Variants in BRAT1 observed in about 807,000 individuals in gnomAD.
The protein encoded by BRAT1 is integrator complex assembly factor BRAT1.
Under a neutral mutation model 70.6 loss-of-function variants are expected in BRAT1, and 74 were observed. That is an observed-to-expected ratio of 1.05 (90% CI 0.87 to 1.27). BRAT1 has a LOEUF of 1.27. BRAT1 is among the 50% of genes most tolerant of loss of function. The pLI is 0.00. For synonymous variants in BRAT1, 615 were observed against 517.1 expected (o/e 1.19, Z -2.57); for missense variants, 1,203 against 1,098.2 (o/e 1.10, Z -1.35).
intron 6 of BRAT1, chr7:2,542,498 C>T (rs1779253696): frequency 3.3e-6 from 1 of 298,664 alleles, no homozygotes; most frequent in Non-Finnish European, 5.9e-6. Context: ...AGTGCCCGCT[C>T]AGGGGGACAG....
intron 7 of BRAT1, 42 bp from the exon 8 acceptor site, chr7:2,541,878 A>T: frequency 6.3e-7 from 1 of 1,594,550 alleles, no homozygotes; most frequent in Non-Finnish European, 8.6e-7. Context: ...AGAGCACTTC[A>T]GCCTCCCCAC....
chr7:2,543,317 G>A lies in BRAT1; in HGVS notation c.810C>T (p.Pro270=), dbSNP rs775096485. The A allele has an allele frequency of 7.5e-6, 12 of 1,600,618 alleles. No homozygotes were observed. The highest frequency in any genetic ancestry group is 5.2e-5 in the Admixed American group (3 of 57,946). The change falls in exon 6 of 14, where the codon CCC becomes CCT. Residue 270 remains proline, a synonymous_variant. Transcript: ENST00000340611. The surrounding 1 kb of genome is among the most constrained non-coding windows in gnomAD (Gnocchi z 5.5). ...GGCTGCCGTCGGAAGAACTGAACAC[G>A]GGAGAACTGCAGGGAGACCCCAGAG... is the stretch of plus-strand genomic sequence containing the variant. ...VDLLLCVARS[P]VFSSSDGSLW... is the part of the protein sequence containing the mutation.
Position 2,541,399 on chromosome 7 carries a change from G to C in BRAT1, c.1220C>G (p.Pro407Arg), listed in dbSNP as rs1314756264. 6.2e-7 allele frequency: 1 copy of C among 1,603,166 alleles called. No individual in the cohort carries two copies. Among genetic ancestry groups the C allele is most frequent in the Non-Finnish European group, 8.5e-7 (1 of 1,176,996 alleles). Residue 407 changes from proline to arginine, a missense_variant, in exon 9 of 14, where the codon CCT becomes CGT. Transcript: ENST00000340611. The part of the protein sequence containing the change: ...VLRLCDGSAA[P>R]ASSVGGHLCG... ...GAGGTGGCCCCCCACACTGGAGGCAGGGGCAGCCGAGCCGTCACAGAGCCG... is the reference window on the plus strand; with the variant it reads ...GAGGTGGCCCCCCACACTGGAGGCACGGGCAGCCGAGCCGTCACAGAGCCG...
chr7:2,543,461 A>C lies in BRAT1; in HGVS notation c.803+129T>G. Reference sequence around the variant, plus strand: ...CTTTCCCCATGAGGGTTCCAGGGTCACCCCGGTGCCGCTTCACTGCAGGCC... The same window carrying C: ...CTTTCCCCATGAGGGTTCCAGGGTCCCCCCGGTGCCGCTTCACTGCAGGCC... On this transcript the variant is annotated intron_variant, in intron 5 of 13. Coordinates refer to ENST00000340611, the MANE Select transcript of BRAT1 (RefSeq NM_152743.4). This position sits in a 1 kb window ranked among gnomAD's most constrained non-coding sequence, Gnocchi z 5.5. The C allele has an allele frequency of 6.8e-7, 1 of 1,476,534 alleles. No individual in the cohort carries two copies. Among genetic ancestry groups the C allele is most frequent in the Non-Finnish European group, 9.0e-7 (1 of 1,117,004 alleles). 91.5% of individuals were successfully genotyped at this position (1,476,534 alleles called of 1,614,324 possible).
At position 2,541,913 on chromosome 7, in the gene BRAT1, C is replaced by T. The variant is rs924705092; in HGVS notation, c.1016-77G>A. ...CGGTCACCAGCCACCCCACGGTCAC[C>T]ACCCACAGCACAGGCCAGGACCTAG... On this transcript the variant is annotated intron_variant, in intron 7 of 13. Coordinates refer to ENST00000340611, the MANE Select transcript of BRAT1 (RefSeq NM_152743.4). The T allele has an allele frequency of 4.1e-6, 6 of 1,476,466 alleles. No individual in the cohort carries two copies. The East Asian group carries it at 1.4e-4, about 34-fold the overall frequency. 91.5% of individuals were successfully genotyped at this position (1,476,466 alleles called of 1,614,324 possible).
chr7:2,538,398 G>A lies in BRAT1; in HGVS notation c.2137C>T (p.Arg713Cys), dbSNP rs780417945. ...TCACAAGACTTCTGCGCCACAGGGC[G>A]GTCGCAGTCAAACAAGGCACAAAAG... ...FAFCALFDCD[R>C]PVAQKSCDLL... The change falls in exon 14 of 14, where the codon CGC becomes TGC. Residue 713 changes from arginine (R) to cysteine (C), a missense_variant. Physicochemically the swap from Arg to Cys is radical, Grantham distance 180. Transcript: ENST00000340611. The A allele has an allele frequency of 1.2e-5, 20 of 1,613,434 alleles. No individual in the cohort carries two copies. The highest frequency in any genetic ancestry group is 3.3e-5 in the Admixed American group (2 of 60,004).
In BRAT1 at chr7:2,538,892, C is replaced by G; in HGVS notation, c.1771-128G>C. On this transcript the variant is annotated intron_variant, in intron 13 of 13. Coordinates refer to ENST00000340611, the MANE Select transcript of BRAT1 (RefSeq NM_152743.4). The stretch of plus-strand genomic sequence containing the variant: ...TCTAGGGCCACAGCCCGCTCTGACA[C>G]CTTCCCATGCTGCGCAGTGAGCACA... The G allele has an allele frequency of 3.4e-6, 5 of 1,490,240 alleles. No individual in the cohort carries two copies. In the South Asian group the frequency reaches 5.3e-5, roughly 16 times the overall value. The allele number at this position is 1,490,240 out of a possible 1,614,324, so 92.3% of individuals were successfully genotyped here.
intron 8 of BRAT1, 22 bp downstream of exon 8, chr7:2,541,696 A>G: frequency 1.3e-6 from 2 of 1,594,234 alleles, no homozygotes; most frequent in Non-Finnish European, 1.7e-6. Context: ...GCTGGGCTGC[A>G]TGAGGACCGG....
Position 2,541,291 on chromosome 7 carries a change from C to A in BRAT1, c.1321+7G>T. The stretch of plus-strand genomic sequence containing the variant: ...CCCCACGCCAAAGCCGTACAGAACA[C>A]ACTCACCTGTCCCCTGTGACAGCGT... On this transcript the variant is annotated splice_region_variant and intron_variant, in intron 9 of 13. Coordinates refer to ENST00000340611, the MANE Select transcript of BRAT1 (RefSeq NM_152743.4). 1 of 1,578,812 alleles carries A rather than the reference C, an allele frequency of 6.3e-7. No individual in the cohort carries two copies. Among genetic ancestry groups the A allele is most frequent in the Non-Finnish European group, 8.6e-7 (1 of 1,166,380 alleles).
intron 2 of BRAT1, among the ~76,000 whole-genome samples, chr7:2,550,481 C>CAAA (rs369777124): frequency 5.2e-5 from 3 of 57,614 alleles, no homozygotes; most frequent in African/African-American, 2.1e-4. Flanking sequence ...AAAAAAAAAA[C>CAAA]AAAAAAAAAA....
rs1169438257 is a variant in BRAT1, at chr7:2,539,685, C to T, written c.1499-43G>A. On this transcript the variant is annotated intron_variant, in intron 11 of 13. Transcript: ENST00000340611. Reference sequence around the variant, plus strand: ...AGGTCAGGGTGACCTTGGGGCCAGGCTCACCCTGCCCTCAGAGCCAGCTGA... The same window carrying T: ...AGGTCAGGGTGACCTTGGGGCCAGGTTCACCCTGCCCTCAGAGCCAGCTGA... 1.9e-6 allele frequency: 3 copies of T among 1,555,786 alleles called. No homozygotes were observed. In the South Asian group the frequency reaches 3.5e-5, roughly 18 times the overall value.
chr7:2,547,608 A>G, intron 2 of BRAT1, 130 bp from the exon 3 acceptor site: 1 of 939,818 alleles, frequency 1.1e-6, no homozygotes, highest in Non-Finnish European at 1.6e-6. Flanking sequence ...TCCAACTGGG[A>G]AAAAAATATC....
intron 3 of BRAT1, 115 bp downstream of exon 3, chr7:2,547,203 AGGGTCG>A: frequency 1.5e-6 from 2 of 1,294,782 alleles, no homozygotes; most frequent in Non-Finnish European, 2.2e-6. Context: ...GTGAGGACAC[AGGGTCG>A]GGGCAGGCCG....
chr7:2,544,586 G>A (rs1461432992), intron 4 of BRAT1, among the ~76,000 whole-genome samples: 3 of 152,016 alleles, frequency 2.0e-5, no homozygotes, highest in Non-Finnish European at 2.9e-5. Context: ...CTGTAGCCTC[G>A]AACCCCTGGG....
At chr7:2,542,404 A>G in intron 6 of BRAT1, 193 bp from the exon 7 acceptor site, 1 of 607,118 alleles carries the variant, frequency 1.6e-6, no homozygotes, top group Non-Finnish European at 2.9e-6. Context: ...GACCAAGGAG[A>G]TGGGCCTGAC....
intron 4 of BRAT1, 96 bp from the exon 5 acceptor site, chr7:2,544,058 G>C (rs991030673): frequency 1.0e-6 from 1 of 1,000,544 alleles, no homozygotes; most frequent in Non-Finnish European, 1.4e-6. Context: ...ATAGCAGAGG[G>C]CCCCCCAAGA....
chr7:2,553,574 A>G (rs1379019842), intron 2 of BRAT1, among the ~76,000 whole-genome samples: 1 of 152,052 alleles, frequency 6.6e-6, no homozygotes, highest in Non-Finnish European at 1.5e-5. Flanking sequence ...AAAGGCTGGG[A>G]GTAAATTAAA....
rs1778914964 is a variant in BRAT1 at position 2,538,903 on chromosome 7, T to C, written c.1771-139A>G. ...AGCCCGCTCTGACACCTTCCCATGC[T>C]GCGCAGTGAGCACACGGCCCTCCAA... On this transcript the variant is annotated intron_variant, in intron 13 of 13. Transcript: ENST00000340611. 2.2e-5 allele frequency: 32 copies of C among 1,478,714 alleles called. No homozygotes were observed. In the South Asian group the frequency reaches 4.1e-4, roughly 19 times the overall value. 91.6% of individuals were successfully genotyped at this position (1,478,714 alleles called of 1,614,324 possible).
intron 3 of BRAT1, among the ~76,000 whole-genome samples, chr7:2,545,483 A>C (rs1779539150): frequency 1.5e-5 from 2 of 135,014 alleles, no homozygotes; most frequent in African/African-American, 3.0e-5. Context: ...CTTCTGGAGG[A>C]CACTTTCTTC....
Sources: allele counts gnomAD v4.1 joint callset (sites outside exome capture counted in the v4.1 genomes callset), GRCh38; gene constraint gnomAD v4.1.1; non-coding constraint Gnocchi (gnomAD v3.1); transcripts MANE v1.5; gene names NCBI Gene and HGNC (gene_info 2026-07-23, HGNC 2026-07-21).